SH3RF3: variants seen among roughly 807,000 people sequenced by gnomAD.
SH3RF3 encodes the protein SH3 domain containing ring finger 3, also known as E3 ubiquitin-protein ligase SH3RF3.
In SH3RF3, 29 loss-of-function variants were observed where a neutral mutation model predicts 66.3. That is an observed-to-expected ratio of 0.44 (90% CI 0.33 to 0.60). SH3RF3 has a LOEUF of 0.60. SH3RF3 is among the 20% of genes least tolerant of loss of function. The pLI is 0.04. For synonymous variants in SH3RF3, 583 were observed against 532.0 expected (o/e 1.10, Z -1.32); for missense variants, 1,194 against 1,190.9 (o/e 1.00, Z -0.04).
At chr2:109,192,156 C>T (rs552993040) in intron 1 of SH3RF3, among the ~76,000 whole-genome samples, 4 of 152,234 alleles carry the variant, frequency 2.6e-5, no homozygotes, top group East Asian at 3.9e-4. Flanking sequence ...TCTTTGAGAG[C>T]GGTTCGGTTC....
rs573591394 is a variant in SH3RF3, at chr2:109,286,308, T to A, written c.574-61366T>A. On this transcript the variant is annotated intron_variant, in intron 1 of 9. Transcript: ENST00000309415. ...GAAAAGTGTGGTCAAGGGATGTGTT[T>A]GACCCTCCTGTAAGAAGAATGAAGG... 7.6e-4 allele frequency among the ~76,000 whole-genome samples: 115 copies of A among 152,302 alleles called. 3 individuals are homozygous for A. The South Asian group carries it at 0.015, about 20-fold the overall frequency.
intron 1 of SH3RF3, among the ~76,000 whole-genome samples, chr2:109,165,521 C>A (rs1372479422): frequency 6.6e-6 from 1 of 152,148 alleles, no homozygotes; most frequent in Non-Finnish European, 1.5e-5. Flanking sequence ...TAGTTGGGAC[C>A]CAGCTACACT....
chr2:109,312,558 A>T (rs6747292), intron 1 of SH3RF3, among the ~76,000 whole-genome samples: 2,736 of 151,838 alleles, frequency 0.018, 92 homozygotes, highest in African/African-American at 0.063. Context: ...GCCCCAGGCC[A>T]CCACAACCTG....
chr2:109,462,612 AT>A (rs1368708545), intron 8 of SH3RF3, among the ~76,000 whole-genome samples: 1 of 152,122 alleles, frequency 6.6e-6, no homozygotes, highest in Admixed American at 6.5e-5. Flanking sequence ...TATTGCTTTT[AT>A]TTTACCATTT....
chr2:109,144,210 C>G (rs1307399089), intron 1 of SH3RF3, among the ~76,000 whole-genome samples: 2 of 152,128 alleles, frequency 1.3e-5, no homozygotes, highest in African/African-American at 2.4e-5. Flanking sequence ...CATGACACCA[C>G]GAAGGTAACC....
intron 4 of SH3RF3, among the ~76,000 whole-genome samples, chr2:109,418,632 T>A (rs900335212): frequency 6.6e-6 from 1 of 152,148 alleles, no homozygotes; most frequent in Non-Finnish European, 1.5e-5. Context: ...TCAAGGATGA[T>A]CTATTCTCAG....
intron 1 of SH3RF3, among the ~76,000 whole-genome samples, chr2:109,344,753 G>T (rs373783952): frequency 1.8e-4 from 27 of 152,308 alleles, no homozygotes; most frequent in African/African-American, 6.3e-4. Flanking sequence ...GGAAAGGGTG[G>T]GCACAGGGAT....
rs146352776 is a variant in SH3RF3, at chr2:109,258,970, C to T, written c.574-88704C>T. Among the ~76,000 whole-genome samples, 1,127 of 152,316 alleles carry T rather than the reference C, an allele frequency of 7.4e-3. 8 individuals are homozygous for T. The highest frequency in any genetic ancestry group is 0.024 in the South Asian group (114 of 4,828). ...CCCCAGATTCTGCCCACGGGGCATC[C>T]GCATGCCCTCTCTAGCTGGGTGAAC... is the stretch of plus-strand genomic sequence containing the variant. On this transcript the variant is annotated intron_variant, in intron 1 of 9. Transcript: ENST00000309415.
intron 3 of SH3RF3, among the ~76,000 whole-genome samples, chr2:109,373,272 C>A (rs1683313404): frequency 6.6e-6 from 1 of 152,218 alleles, no homozygotes; most frequent in South Asian, 2.1e-4. Flanking sequence ...GTCCAGAAGT[C>A]AGAAATCTGA....
At chr2:109,346,401 C>T (rs769489839) in intron 1 of SH3RF3, among the ~76,000 whole-genome samples, 8 of 152,168 alleles carry the variant, frequency 5.3e-5, no homozygotes, top group Non-Finnish European at 1.0e-4. Flanking sequence ...TTTTGTGCTT[C>T]TATTGATTGA....
chr2:109,367,048 G>A (rs1206345100), intron 2 of SH3RF3, among the ~76,000 whole-genome samples: 3 of 151,536 alleles, frequency 2.0e-5, no homozygotes, highest in Non-Finnish European at 2.9e-5. Flanking sequence ...TCACCTCCTG[G>A]TTCAAGAGAT....
At chr2:109,455,063 AC>A in intron 8 of SH3RF3, among the ~76,000 whole-genome samples, 1 of 152,168 alleles carries the variant, frequency 6.6e-6, no homozygotes, top group Admixed American at 6.5e-5. Flanking sequence ...AGGCTCAGAG[AC>A]CTTCAGAGAC....
intron 1 of SH3RF3, among the ~76,000 whole-genome samples, chr2:109,170,057 G>A (rs1677724342): frequency 6.6e-6 from 1 of 152,030 alleles, no homozygotes; most frequent in African/African-American, 2.4e-5. Context: ...TGATAATCAT[G>A]GCATTTTGGC....
intron 4 of SH3RF3, among the ~76,000 whole-genome samples, chr2:109,400,330 A>C (rs1676272426): frequency 6.6e-6 from 1 of 152,028 alleles, no homozygotes; most frequent in African/African-American, 2.4e-5. Context: ...ATATACCTGC[A>C]CACCCACACA....
At chr2:109,416,398 T>C (rs1676723960) in intron 4 of SH3RF3, among the ~76,000 whole-genome samples, 1 of 151,858 alleles carries the variant, frequency 6.6e-6, no homozygotes, top group Non-Finnish European at 1.5e-5. Flanking sequence ...AGTTCAAGAC[T>C]AGCCTGGCCA....
intron 1 of SH3RF3, among the ~76,000 whole-genome samples, chr2:109,223,531 G>C (rs935169069): frequency 1.3e-5 from 2 of 152,234 alleles, no homozygotes; most frequent in African/African-American, 4.8e-5. Context: ...TGGAAGCGTA[G>C]GAAGGGCTTG....
chr2:109,163,589 C>T (rs747257943), intron 1 of SH3RF3, among the ~76,000 whole-genome samples: 58 of 151,134 alleles, frequency 3.8e-4, no homozygotes, highest in African/African-American at 5.6e-4. Context: ...TTAGTAGAGA[C>T]GGGGTTTCAC....
chr2:109,407,183 C>T (rs1475092993), intron 4 of SH3RF3, among the ~76,000 whole-genome samples: 2 of 136,176 alleles, frequency 1.5e-5, no homozygotes, highest in Non-Finnish European at 3.5e-5. Flanking sequence ...CCTTCATTGG[C>T]CCTTGCCAGC....
At chr2:109,165,138 A>G (rs527769418) in intron 1 of SH3RF3, among the ~76,000 whole-genome samples, 3 of 152,262 alleles carry the variant, frequency 2.0e-5, no homozygotes, top group African/African-American at 2.4e-5. Context: ...AGTAAGGACA[A>G]ATGAACTTAG....
Sources: allele counts gnomAD v4.1 joint callset (sites outside exome capture counted in the v4.1 genomes callset), GRCh38; gene constraint gnomAD v4.1.1; transcripts MANE v1.5; gene names NCBI Gene and HGNC (gene_info 2026-07-23, HGNC 2026-07-21).